PTPRD: variants seen among roughly 807,000 people sequenced by gnomAD.
PTPRD encodes the protein receptor-type tyrosine-protein phosphatase delta.
Under a neutral mutation model 214.5 loss-of-function variants are expected in PTPRD, and 34 were observed. The ratio of observed to expected loss-of-function variants is 0.16; its 90% CI spans 0.12 to 0.21. The LOEUF is 0.21. Among genes scored for constraint, PTPRD ranks in the 10% least tolerant of loss-of-function variants. The pLI is 1.00. For synonymous variants in PTPRD, 1,128 were observed against 845.7 expected, an observed-to-expected ratio of 1.33 and a Z score of -5.79; for missense variants, 2,545 against 2,398.7, an observed-to-expected ratio of 1.06 and a Z score of -1.27.
intron 3 of PTPRD, among the ~76,000 whole-genome samples, chr9:10,054,450 T>G (rs1354290279): frequency 6.6e-6 from 1 of 152,186 alleles, no homozygotes; most frequent in Non-Finnish European, 1.5e-5. Flanking sequence ...GACTACACTG[T>G]AGAAAGGCTT....
intron 14 of PTPRD, among the ~76,000 whole-genome samples, chr9:8,554,227 G>C (rs1030557993): frequency 4.6e-5 from 7 of 152,102 alleles, no homozygotes; most frequent in African/African-American, 1.4e-4. Context: ...GATTATAGTT[G>C]GGGAAGGAAG....
At chr9:9,853,570 G>A (rs1020019894) in intron 5 of PTPRD, among the ~76,000 whole-genome samples, 1 of 151,530 alleles carries the variant, frequency 6.6e-6, no homozygotes, top group Non-Finnish European at 1.5e-5. Flanking sequence ...TTTTTTTTTA[G>A]ATGGAGTGTC....
chr9:8,492,223 T>G (rs532567179), intron 27 of PTPRD, among the ~76,000 whole-genome samples: 117 of 152,302 alleles, frequency 7.7e-4, no homozygotes, highest in African/African-American at 2.7e-3. Flanking sequence ...AAGGTAGAAC[T>G]GTAAGTCATG....
Position 8,766,172 on chromosome 9 carries a change from C to T in PTPRD, c.-103-32226G>A, listed in dbSNP as rs537006935. On this transcript the variant is annotated intron_variant, in intron 11 of 45. Transcript: ENST00000381196. ...AACATCATTTGGTTCAACCCCATTT[C>T]GTTTTACCACTGATGAAAAAAAAAA... is the stretch of plus-strand genomic sequence containing the variant. 8.1e-5 allele frequency among the ~76,000 whole-genome samples: 12 copies of T among 148,612 alleles called. 1 individual carries two copies. In the South Asian group the frequency reaches 1.7e-3, roughly 21 times the overall value.
rs141895906 is a variant in PTPRD, at chr9:9,031,108, T to C, written c.-142-12373A>G. Among the ~76,000 whole-genome samples the C allele has an allele frequency of 3.9e-5, 6 of 152,076 alleles. No individual in the cohort carries two copies. The East Asian group carries it at 9.7e-4, about 25-fold the overall frequency. ...AGACTTGATGACCATCTTGGTAGAA[T>C]TGAATGTGGAACTCAAGGGTGACAG... On this transcript the variant is annotated intron_variant, in intron 10 of 45. Transcript: ENST00000381196.
chr9:9,639,657 A>C (rs1156625409), intron 7 of PTPRD, among the ~76,000 whole-genome samples: 1 of 152,190 alleles, frequency 6.6e-6, no homozygotes, highest in Non-Finnish European at 1.5e-5. Context: ...CTTTTTAAAA[A>C]CATAAATACC....
chr9:10,141,482 GA>G (rs1479682916), intron 3 of PTPRD, among the ~76,000 whole-genome samples: 1 of 152,076 alleles, frequency 6.6e-6, no homozygotes, highest in Admixed American at 6.6e-5. Context: ...GCCAAATCAT[GA>G]GTGAACTCCC....
intron 9 of PTPRD, among the ~76,000 whole-genome samples, chr9:9,208,129 C>G (rs1402156640): frequency 2.0e-5 from 3 of 149,486 alleles, no homozygotes; most frequent in African/African-American, 4.9e-5. Flanking sequence ...ATTCTCCTGT[C>G]TCAGCCTCCG....
intron 22 of PTPRD, among the ~76,000 whole-genome samples, chr9:8,506,454 C>G (rs909889125): frequency 3.3e-5 from 5 of 152,186 alleles, no homozygotes; most frequent in African/African-American, 1.2e-4. Flanking sequence ...TGTATTCAAA[C>G]TGCACTCAAG....
intron 5 of PTPRD, among the ~76,000 whole-genome samples, chr9:9,924,205 T>G (rs1459905225): frequency 6.6e-6 from 1 of 152,024 alleles, no homozygotes; most frequent in East Asian, 1.9e-4. Flanking sequence ...CTAATTCCTA[T>G]GTAGGCATCA....
intron 9 of PTPRD, among the ~76,000 whole-genome samples, chr9:9,330,715 A>G (rs1315695972): frequency 1.3e-5 from 2 of 152,008 alleles, no homozygotes; most frequent in East Asian, 1.9e-4. Flanking sequence ...AAACTCATAT[A>G]TAATATTGAT....
At chr9:9,886,325 C>A (rs936084556) in intron 5 of PTPRD, among the ~76,000 whole-genome samples, 5 of 152,030 alleles carry the variant, frequency 3.3e-5, no homozygotes, top group Admixed American at 6.6e-5. Context: ...CTTTAATTCA[C>A]GGGCATTTAC....
intron 2 of PTPRD, among the ~76,000 whole-genome samples, chr9:10,443,090 G>GAA (rs201814001): frequency 8.3e-6 from 1 of 119,982 alleles, no homozygotes; most frequent in Non-Finnish European, 1.8e-5. Flanking sequence ...AGCAATTTCA[G>GAA]AAAAAAAAAA....
At chr9:8,544,281 C>T (rs2079291620) in intron 14 of PTPRD, among the ~76,000 whole-genome samples, 1 of 149,262 alleles carries the variant, frequency 6.7e-6, no homozygotes, top group Non-Finnish European at 1.5e-5. Context: ...ATTTGCCTGC[C>T]TCAGCCTCCC....
intron 7 of PTPRD, among the ~76,000 whole-genome samples, chr9:9,686,192 C>T (rs552526219): frequency 6.6e-6 from 1 of 150,942 alleles, no homozygotes; most frequent in African/African-American, 2.4e-5. Context: ...TAATTTTGTC[C>T]TTCTTAAATT....
chr9:8,983,980 A>T (rs2099327172), intron 11 of PTPRD, among the ~76,000 whole-genome samples: 1 of 152,106 alleles, frequency 6.6e-6, no homozygotes, highest in South Asian at 2.1e-4. Context: ...TAAAATTCCA[A>T]ATGAACTTCT....
intron 3 of PTPRD, among the ~76,000 whole-genome samples, chr9:10,274,782 T>C (rs1412124567): frequency 6.6e-6 from 1 of 152,180 alleles, no homozygotes; most frequent in Non-Finnish European, 1.5e-5. Flanking sequence ...TACATTTTTC[T>C]GTAACTCCAT....
At chr9:8,683,969 C>T (rs772356329) in intron 12 of PTPRD, among the ~76,000 whole-genome samples, 16 of 152,108 alleles carry the variant, frequency 1.1e-4, no homozygotes, top group Admixed American at 3.3e-4. Context: ...GTACCAGCAG[C>T]GAATGTTCAA....
intron 10 of PTPRD, among the ~76,000 whole-genome samples, chr9:9,055,887 G>C (rs1296299169): frequency 6.6e-6 from 1 of 151,234 alleles, no homozygotes; most frequent in African/African-American, 2.4e-5. Flanking sequence ...TATGTGCTAT[G>C]AACACTAGTC....
Sources: allele counts gnomAD v4.1 joint callset (sites outside exome capture counted in the v4.1 genomes callset), GRCh38; gene constraint gnomAD v4.1.1; transcripts MANE v1.5; gene names NCBI Gene and HGNC (gene_info 2026-07-23, HGNC 2026-07-21).